Variants in FIGN observed in about 807,000 individuals in gnomAD.
FIGN encodes fidgetin.
Under a neutral mutation model 51.3 loss-of-function variants are expected in FIGN, and 11 were observed. The ratio of observed to expected loss-of-function variants is 0.21; its 90% CI spans 0.13 to 0.35. FIGN has a LOEUF of 0.35. Ranked by LOEUF, FIGN falls within the 10% of genes least tolerant of loss-of-function variation. The probability of loss-of-function intolerance (pLI) is 1.00; values close to 1 mark genes in which losing one functional copy is unlikely to be tolerated. For synonymous variants in FIGN, 407 were observed against 363.2 expected (o/e 1.12, Z -1.37); for missense variants, 857 against 943.6 (o/e 0.91, Z 1.20).
At chr2:163,614,949 T>C (rs748055487) in intron 2 of FIGN, among the ~76,000 whole-genome samples, 3 of 152,158 alleles carry the variant, frequency 2.0e-5, no homozygotes, top group Non-Finnish European at 2.9e-5. Context: ...TAAAAGACAG[T>C]AGTATACAGT....
At chr2:163,642,681 T>C (rs1305176460) in intron 2 of FIGN, among the ~76,000 whole-genome samples, 2 of 152,180 alleles carry the variant, frequency 1.3e-5, no homozygotes, top group Non-Finnish European at 2.9e-5. Flanking sequence ...ATAATTCATG[T>C]TTGTATCACC....
intron 2 of FIGN, among the ~76,000 whole-genome samples, chr2:163,633,331 T>G (rs962880307): frequency 6.6e-6 from 1 of 152,216 alleles, no homozygotes; most frequent in Admixed American, 6.5e-5. Flanking sequence ...CCAGGAAATG[T>G]TCTAAGTGCT....
intron 2 of FIGN, among the ~76,000 whole-genome samples, chr2:163,622,643 ACT>A (rs1682992686): frequency 1.3e-5 from 2 of 151,712 alleles, no homozygotes; most frequent in Admixed American, 1.3e-4. Context: ...CTCACTACAA[ACT>A]CCACCTCCCA....
Position 163,660,816 on chromosome 2 carries a change from TATAC to T in FIGN, c.26-49014_26-49011del, listed in dbSNP as rs1217676994. Among the ~76,000 whole-genome samples the T allele has an allele frequency of 2.4e-4, 18 of 74,686 alleles. 5 individuals are homozygous for T. The highest frequency in any genetic ancestry group is 9.0e-4 in the East Asian group (2 of 2,228). The allele number at this position is 74,686 out of a possible 152,430, so 49.0% of individuals were successfully genotyped here. Reference sequence around the variant, plus strand: ...GTATATAGATATACATATATATACATATACATATATATGTATACATATATACATA... The same window carrying T: ...GTATATAGATATACATATATATACATATATATATGTATACATATATACATA... On this transcript the variant is annotated intron_variant, in intron 2 of 2. Coordinates refer to ENST00000333129, the MANE Select transcript of FIGN (RefSeq NM_018086.4).
chr2:163,612,558 C>T (rs1371601259), intron 2 of FIGN: 2 of 984,872 alleles, frequency 2.0e-6, no homozygotes, highest in African/African-American at 3.5e-5. Context: ...TGGCTCCTTT[C>T]TGCCTCTCAG....
intron 2 of FIGN, among the ~76,000 whole-genome samples, chr2:163,624,212 C>T (rs1683018463): frequency 6.6e-6 from 1 of 151,858 alleles, no homozygotes; most frequent in Non-Finnish European, 1.5e-5. Context: ...TTTTTTCCCA[C>T]CCAATATATG....
intron 2 of FIGN, among the ~76,000 whole-genome samples, chr2:163,646,526 C>T (rs1184343651): frequency 6.6e-6 from 1 of 151,918 alleles, no homozygotes; most frequent in Admixed American, 6.6e-5. Context: ...AAGATTTTAC[C>T]TGATTTTATT....
chr2:163,676,034 T>A (rs1683957877), intron 2 of FIGN, among the ~76,000 whole-genome samples: 1 of 151,588 alleles, frequency 6.6e-6, no homozygotes, highest in Non-Finnish European at 1.5e-5. Context: ...AGAAATGTAG[T>A]TGTCAATTTA....
At position 163,610,490 on chromosome 2, in the gene FIGN, G is replaced by T; in HGVS notation, c.1342C>A (p.Arg448Ser). The T allele has an allele frequency of 1.2e-6, 2 of 1,614,122 alleles. No homozygotes were observed. Among genetic ancestry groups the T allele is most frequent in the Non-Finnish European group, 1.7e-6 (2 of 1,180,026 alleles). ...LSHPMQGPGL[R>S]AATSSNHSVD... ...GAGTGGTTGGATGAGGTAGCTGCAC[G>T]GAGTCCAGGGCCTTGCATTGGGTGA... The change falls in exon 3 of 3, where the codon CGT becomes AGT. Residue 448 changes from arginine to serine, a missense_variant. By Grantham distance (110) the Arg-to-Ser change is moderately radical. Coordinates refer to ENST00000333129, the MANE Select transcript of FIGN (RefSeq NM_018086.4).
chr2:163,690,832 T>C (rs532029271), intron 2 of FIGN, among the ~76,000 whole-genome samples: 10 of 152,222 alleles, frequency 6.6e-5, no homozygotes, highest in Admixed American at 5.9e-4. Flanking sequence ...TTTAAAGTCA[T>C]TGGAATTTGT....
At position 163,608,284 on chromosome 2, in the gene FIGN, T is replaced by A. The variant is rs1691154982; in HGVS notation, c.*1268A>T. 6.6e-6 allele frequency: 1 copy of A among 152,612 alleles called. No homozygotes were observed. Among genetic ancestry groups the A allele is most frequent in the Non-Finnish European group, 1.5e-5 (1 of 68,130 alleles). The allele number at this position is 152,612 out of a possible 1,614,324, so 9.5% of individuals were successfully genotyped here. A position where few individuals can be genotyped will look rare whatever the true frequency, so the allele number is the denominator to read the frequency against. ...ATATATATGTGTATGTAAGTTGGTT[T>A]GTTGGTTGGTTTTTGTTTTTATTTA... On this transcript the variant is annotated 3_prime_UTR_variant, in exon 3 of 3. Coordinates refer to ENST00000333129, the MANE Select transcript of FIGN (RefSeq NM_018086.4).
At chr2:163,655,421 C>T (rs1683543660) in intron 2 of FIGN, among the ~76,000 whole-genome samples, 1 of 152,110 alleles carries the variant, frequency 6.6e-6, no homozygotes, top group Admixed American at 6.6e-5. Context: ...AACAACTATA[C>T]AGCCCATGAC....
At chr2:163,676,029 T>A (rs181995966) in intron 2 of FIGN, among the ~76,000 whole-genome samples, 19 of 151,712 alleles carry the variant, frequency 1.3e-4, no homozygotes, top group African/African-American at 4.1e-4. Context: ...TATTTAGAAA[T>A]GTAGTTGTCA....
intron 2 of FIGN, among the ~76,000 whole-genome samples, chr2:163,725,473 G>C (rs965493335): frequency 1.3e-5 from 2 of 151,958 alleles, no homozygotes; most frequent in African/African-American, 4.8e-5. Flanking sequence ...GTATACATGT[G>C]CATTCCAATC....
At chr2:163,698,981 C>T (rs1487760052) in intron 2 of FIGN, among the ~76,000 whole-genome samples, 1 of 152,092 alleles carries the variant, frequency 6.6e-6, no homozygotes, top group Admixed American at 6.6e-5. Flanking sequence ...AAGGCAGTCT[C>T]ATGTTGACAA....
chr2:163,607,550 T>C lies in FIGN; in HGVS notation c.*2002A>G, dbSNP rs562733290. The C allele has an allele frequency of 1.3e-5, 2 of 152,576 alleles. No homozygotes were observed. The highest frequency in any genetic ancestry group is 2.9e-5 in the Non-Finnish European group (2 of 67,996). 9.5% of individuals were successfully genotyped at this position (152,576 alleles called of 1,614,324 possible). ...TCTCTATGTTAAGTGTTTCAGAGAATTGGATATTGTGGATAAGATCGGTAA... is the reference window on the plus strand; with the variant it reads ...TCTCTATGTTAAGTGTTTCAGAGAACTGGATATTGTGGATAAGATCGGTAA... On this transcript the variant is annotated 3_prime_UTR_variant, in exon 3 of 3. Transcript: ENST00000333129.
intron 2 of FIGN, among the ~76,000 whole-genome samples, chr2:163,695,438 T>C (rs916448478): frequency 2.6e-5 from 4 of 152,182 alleles, no homozygotes; most frequent in African/African-American, 4.8e-5. Flanking sequence ...CTCGGCATCA[T>C]GCCTCTGCTC....
chr2:163,698,157 A>G (rs1430366592), intron 2 of FIGN, among the ~76,000 whole-genome samples: 1 of 152,140 alleles, frequency 6.6e-6, no homozygotes, highest in Non-Finnish European at 1.5e-5. Context: ...TTCAAGTTCT[A>G]TAAAAGGGAT....
intron 2 of FIGN, among the ~76,000 whole-genome samples, chr2:163,707,173 C>A (rs997041040): frequency 6.6e-6 from 1 of 151,876 alleles, no homozygotes; most frequent in Non-Finnish European, 1.5e-5. Flanking sequence ...ATGGTGAAAC[C>A]CCGTCTCTAC....
Sources: allele counts gnomAD v4.1 joint callset (sites outside exome capture counted in the v4.1 genomes callset), GRCh38; gene constraint gnomAD v4.1.1; transcripts MANE v1.5; gene names NCBI Gene and HGNC (gene_info 2026-07-23, HGNC 2026-07-21).